Variants in HPSE2 observed in about 807,000 individuals in gnomAD.
HPSE2 encodes the protein inactive heparanase-2.
A neutral mutation model predicts 60.5 loss-of-function variants in HPSE2; 38 were observed. That is an observed-to-expected ratio of 0.63 (90% CI 0.48 to 0.82). The LOEUF (loss-of-function observed/expected upper bound fraction) is 0.82, where lower values mean the gene tolerates loss of function less well. Among genes scored for constraint, HPSE2 ranks in the 40% least tolerant of loss-of-function variants. HPSE2 has a pLI of 0.00. For missense variants in HPSE2, 713 were observed against 740.4 expected, an observed-to-expected ratio of 0.96 and a Z score of 0.43; for synonymous variants, 295 against 293.2, an observed-to-expected ratio of 1.01 and a Z score of -0.06.
At chr10:98,616,175 C>G (rs906015783) in intron 8 of HPSE2, among the ~76,000 whole-genome samples, 4 of 152,088 alleles carry the variant, frequency 2.6e-5, no homozygotes, top group Non-Finnish European at 5.9e-5. Flanking sequence ...TCTGCTGCCC[C>G]AGCCAACAGT....
chr10:98,584,167 T>TGGGGG (rs1944877744), intron 9 of HPSE2, among the ~76,000 whole-genome samples: 1 of 152,162 alleles, frequency 6.6e-6, no homozygotes, highest in Non-Finnish European at 1.5e-5. Flanking sequence ...AATAGAAGTC[T>TGGGGG]TTGAAAGTAG....
intron 2 of HPSE2, among the ~76,000 whole-genome samples, chr10:99,187,511 C>T (rs1425067675): frequency 1.3e-5 from 2 of 152,060 alleles, no homozygotes; most frequent in East Asian, 3.9e-4. Flanking sequence ...TGACAAAAGA[C>T]TGGTATTCTG....
At chr10:99,096,628 T>C (rs761010755) in intron 3 of HPSE2, among the ~76,000 whole-genome samples, 34 of 152,308 alleles carry the variant, frequency 2.2e-4, no homozygotes, top group Middle Eastern at 3.4e-3. Flanking sequence ...ATCCATATCA[T>C]TGGACATTAA....
rs770699941 is a variant in HPSE2 at position 99,072,927 on chromosome 10, CAAAAAAAAAAAAAAA to C, written c.610+71296_610+71310del. On this transcript the variant is annotated intron_variant, in intron 3 of 11. Coordinates refer to ENST00000370552, the MANE Select transcript of HPSE2 (RefSeq NM_021828.5). ...CTGGTGACAGAGCCAGGCTCCGTCT[CAAAAAAAAAAAAAAA>C]AAAAAAAAAAAAAAAAAAAAAGACA... 7.3e-4 allele frequency among the ~76,000 whole-genome samples: 64 copies of C among 88,034 alleles called. 1 individual carries two copies. The highest frequency in any genetic ancestry group is 3.6e-3 in the African/African-American group (56 of 15,558). The allele number at this position is 88,034 out of a possible 152,430, so 57.8% of individuals were successfully genotyped here.
chr10:98,993,570 C>T (rs1032885671), intron 3 of HPSE2, among the ~76,000 whole-genome samples: 1 of 151,990 alleles, frequency 6.6e-6, no homozygotes, highest in Non-Finnish European at 1.5e-5. Flanking sequence ...TAATACATTC[C>T]AGAAATTATG....
At chr10:98,624,885 C>T (rs975263340) in intron 7 of HPSE2, among the ~76,000 whole-genome samples, 3 of 152,092 alleles carry the variant, frequency 2.0e-5, no homozygotes, top group Non-Finnish European at 4.4e-5. Context: ...GGTCCTTCTA[C>T]GGTGATGCAT....
intron 3 of HPSE2, among the ~76,000 whole-genome samples, chr10:99,092,299 C>A (rs561435533): frequency 2.0e-5 from 3 of 151,986 alleles, no homozygotes; most frequent in Non-Finnish European, 4.4e-5. Context: ...AAACATAATG[C>A]GTACTAAATA....
intron 3 of HPSE2, among the ~76,000 whole-genome samples, chr10:99,123,944 A>G (rs549711232): frequency 9.5e-4 from 145 of 152,038 alleles, no homozygotes; most frequent in Non-Finnish European, 1.7e-3. Flanking sequence ...CAGACAAGTC[A>G]TCCTGATGAG....
chr10:98,626,416 C>T (rs1946216018), intron 7 of HPSE2, among the ~76,000 whole-genome samples: 2 of 152,062 alleles, frequency 1.3e-5, no homozygotes, highest in East Asian at 1.9e-4. Context: ...TTTTCCAACC[C>T]GCTTATACCA....
intron 6 of HPSE2, among the ~76,000 whole-genome samples, chr10:98,649,216 T>C (rs1946853153): frequency 6.6e-6 from 1 of 152,210 alleles, no homozygotes; most frequent in Non-Finnish European, 1.5e-5. Flanking sequence ...CGTGGCAGAA[T>C]AGCACAACTG....
intron 3 of HPSE2, among the ~76,000 whole-genome samples, chr10:98,768,493 G>A (rs1179072596): frequency 1.3e-5 from 2 of 152,130 alleles, no homozygotes; most frequent in East Asian, 3.8e-4. Context: ...AGAAAATGGT[G>A]AGCACAATTT....
At chr10:98,943,401 T>G (rs1050400015) in intron 3 of HPSE2, among the ~76,000 whole-genome samples, 12 of 152,060 alleles carry the variant, frequency 7.9e-5, no homozygotes, top group Non-Finnish European at 1.5e-5. Context: ...AAATAGCTTT[T>G]AAAATAAATT....
chr10:98,478,616 C>T (rs1044103267), intron 11 of HPSE2, among the ~76,000 whole-genome samples: 1 of 152,208 alleles, frequency 6.6e-6, no homozygotes, highest in African/African-American at 2.4e-5. Context: ...AAATCTATCT[C>T]TTTTAAATTG....
intron 3 of HPSE2, among the ~76,000 whole-genome samples, chr10:99,120,598 T>C (rs4397773): frequency 0.49 from 74,748 of 151,768 alleles, 20,875 homozygotes; most frequent in East Asian, 0.66. Context: ...CTCAGCCTCC[T>C]GAGTAGCTGG....
chr10:99,199,972 T>C (rs1242885800), intron 2 of HPSE2, among the ~76,000 whole-genome samples: 1 of 152,152 alleles, frequency 6.6e-6, no homozygotes, highest in Non-Finnish European at 1.5e-5. Flanking sequence ...CAATGTTTTG[T>C]AGTTTTCAGC....
intron 3 of HPSE2, among the ~76,000 whole-genome samples, chr10:98,795,941 C>T (rs887409773): frequency 1.3e-5 from 2 of 152,292 alleles, no homozygotes; most frequent in South Asian, 2.1e-4. Context: ...GAACCAGCTG[C>T]CTTGATGAGA....
chr10:99,153,427 C>G (rs1846372646), intron 2 of HPSE2, among the ~76,000 whole-genome samples: 1 of 152,226 alleles, frequency 6.6e-6, no homozygotes, highest in African/African-American at 2.4e-5. Flanking sequence ...ACTGCCTCCT[C>G]AAGTGGGTCC....
At chr10:98,916,933 A>ATT (rs1468674136) in intron 3 of HPSE2, among the ~76,000 whole-genome samples, 1 of 152,142 alleles carries the variant, frequency 6.6e-6, no homozygotes, top group Non-Finnish European at 1.5e-5. Context: ...TTTGTTTACC[A>ATT]TGCCTCCTAC....
At chr10:98,782,941 G>GTTTTT (rs576508491) in intron 3 of HPSE2, among the ~76,000 whole-genome samples, 24 of 116,080 alleles carry the variant, frequency 2.1e-4, no homozygotes, top group Middle Eastern at 4.2e-3. Flanking sequence ...TTTTTTTAAT[G>GTTTTT]TTTTTTTTTT....
Sources: allele counts gnomAD v4.1 joint callset (sites outside exome capture counted in the v4.1 genomes callset), GRCh38; gene constraint gnomAD v4.1.1; transcripts MANE v1.5; gene names NCBI Gene and HGNC (gene_info 2026-07-23, HGNC 2026-07-21).